Variants in SAMTOR observed in about 807,000 individuals in gnomAD.
The protein encoded by SAMTOR is S-adenosylmethionine sensor upstream of mTORC1.
the SAMTOR span, chr7:112,939,752 T>C: frequency 7.5e-6 from 12 of 1,592,756 alleles, no homozygotes; most frequent in Non-Finnish European, 6.0e-6. Context: ...TGGCTCCATA[T>C]CGCAGCCGCC....
the SAMTOR span, among the ~76,000 whole-genome samples, chr7:112,918,108 T>C: frequency 7.2e-5 from 11 of 152,112 alleles, no homozygotes; most frequent in Middle Eastern, 3.2e-3. Context: ...GCCACAAAGA[T>C]ACTCCTAAAG....
the SAMTOR span, among the ~76,000 whole-genome samples, chr7:112,872,587 T>C: frequency 2.0e-5 from 3 of 152,094 alleles, no homozygotes; most frequent in Non-Finnish European, 2.9e-5. Flanking sequence ...TCATCACTCC[T>C]ATTCAACATA....
the SAMTOR span, among the ~76,000 whole-genome samples, chr7:112,884,101 C>T: frequency 7.2e-5 from 11 of 152,300 alleles, 1 homozygote; most frequent in South Asian, 2.3e-3. Flanking sequence ...ACCATCAGAT[C>T]TTGTGAGAAC....
chr7:112,836,244 T>A, the SAMTOR span, among the ~76,000 whole-genome samples: 1 of 152,194 alleles, frequency 6.6e-6, no homozygotes, highest in African/African-American at 2.4e-5. Context: ...TTTAGTGATG[T>A]TGAGCATTTT....
At chr7:112,832,757 G>C in the SAMTOR span, 1 of 898,404 alleles carries the variant, frequency 1.1e-6, no homozygotes, top group Non-Finnish European at 1.8e-6. Context: ...TTAACTTTTT[G>C]GTCTCAGGAC....
At chr7:112,929,197 G>C in the SAMTOR span, among the ~76,000 whole-genome samples, 1 of 151,056 alleles carries the variant, frequency 6.6e-6, no homozygotes, top group Non-Finnish European at 1.5e-5. Flanking sequence ...CCTGATAAGG[G>C]GTTAATATCC....
chr7:112,857,522 AAAAC>A, the SAMTOR span, among the ~76,000 whole-genome samples: 13 of 152,254 alleles, frequency 8.5e-5, no homozygotes, highest in Non-Finnish European at 1.8e-4. Context: ...TAGAAATCAC[AAAAC>A]AAATACAAAC....
the SAMTOR span, among the ~76,000 whole-genome samples, chr7:112,903,375 T>C: frequency 6.6e-6 from 1 of 151,834 alleles, no homozygotes; most frequent in South Asian, 2.1e-4. Flanking sequence ...GATGAATTTT[T>C]CTAGATTAAA....
At chr7:112,938,557 G>A in the SAMTOR span, among the ~76,000 whole-genome samples, 1 of 152,148 alleles carries the variant, frequency 6.6e-6, no homozygotes, top group Non-Finnish European at 1.5e-5. Context: ...TATTAACTAA[G>A]TATAGGACTA....
the SAMTOR span, among the ~76,000 whole-genome samples, chr7:112,922,906 C>T: frequency 7.0e-6 from 1 of 141,974 alleles, no homozygotes; most frequent in South Asian, 2.3e-4. Context: ...CCCCCCGGGC[C>T]AGCCGCCCCA....
chr7:112,832,025 T>C, the SAMTOR span, among the ~76,000 whole-genome samples: 4 of 151,530 alleles, frequency 2.6e-5, no homozygotes, highest in African/African-American at 9.7e-5. Flanking sequence ...TTTTTTTTTT[T>C]TTTTTAGACG....
the SAMTOR span, among the ~76,000 whole-genome samples, chr7:112,872,952 C>T: frequency 6.6e-6 from 1 of 151,084 alleles, no homozygotes; most frequent in African/African-American, 2.4e-5. Context: ...CACGTGCGTG[C>T]ACACACCCAC....
At chr7:112,923,874 T>G in the SAMTOR span, among the ~76,000 whole-genome samples, 1 of 152,202 alleles carries the variant, frequency 6.6e-6, no homozygotes, top group African/African-American at 2.4e-5. Flanking sequence ...TAAAAAATGA[T>G]GAGTTCATGT....
chr7:112,869,827 T>C, the SAMTOR span, among the ~76,000 whole-genome samples: 3 of 151,978 alleles, frequency 2.0e-5, no homozygotes, highest in African/African-American at 7.3e-5. Flanking sequence ...AGAAAAATGA[T>C]CCAGGAGTTG....
chr7:112,871,205 CA>C, the SAMTOR span, among the ~76,000 whole-genome samples: 1 of 151,650 alleles, frequency 6.6e-6, no homozygotes. Flanking sequence ...CCAACAACCA[CA>C]TAAAACACAT....
the SAMTOR span, among the ~76,000 whole-genome samples, chr7:112,858,107 C>T: frequency 5.9e-5 from 9 of 152,190 alleles, no homozygotes; most frequent in Admixed American, 1.3e-4. Context: ...TAAACATCTA[C>T]CCATGTGAAT....
At chr7:112,936,076 G>A in the SAMTOR span, among the ~76,000 whole-genome samples, 1 of 152,022 alleles carries the variant, frequency 6.6e-6, no homozygotes, top group African/African-American at 2.4e-5. Flanking sequence ...TTTACATGGA[G>A]GTCAAATTTT....
the SAMTOR span, among the ~76,000 whole-genome samples, chr7:112,907,476 A>G: frequency 2.0e-5 from 3 of 152,156 alleles, no homozygotes; most frequent in African/African-American, 7.2e-5. Context: ...ATCTGGAAGC[A>G]ATAAAACAGA....
At chr7:112,899,447 CA>C in the SAMTOR span, among the ~76,000 whole-genome samples, 1 of 151,870 alleles carries the variant, frequency 6.6e-6, no homozygotes, top group African/African-American at 2.4e-5. Flanking sequence ...AAAATAGCCT[CA>C]AAAGGGCAAA....
Sources: allele counts gnomAD v4.1 joint callset (sites outside exome capture counted in the v4.1 genomes callset), GRCh38; gene constraint gnomAD v4.1.1; transcripts MANE v1.5; gene names NCBI Gene and HGNC (gene_info 2026-07-23, HGNC 2026-07-21).